Variants in PIK3R6 observed in about 807,000 individuals in gnomAD.
The protein encoded by PIK3R6 is phosphoinositide 3-kinase regulatory subunit 6.
PIK3R6 carries 91 observed loss-of-function variants against 84.9 expected under a neutral mutation model. The observed-to-expected ratio is 1.07, with a 90% CI of 0.90 to 1.28. The LOEUF is 1.28. Among genes scored for constraint, PIK3R6 ranks in the 50% most tolerant of loss-of-function variants. The pLI is 0.00. For missense variants in PIK3R6, 996 were observed against 985.1 expected (o/e 1.01, Z -0.15); for synonymous variants, 416 against 411.4 (o/e 1.01, Z -0.13).
chr17:8,808,939 T>C (rs1045424339), intron 18 of PIK3R6, among the ~76,000 whole-genome samples: 5 of 152,226 alleles, frequency 3.3e-5, no homozygotes, highest in Non-Finnish European at 7.3e-5. Flanking sequence ...GCTCTAGTGA[T>C]GGAATTCCAT....
intron 2 of PIK3R6, among the ~76,000 whole-genome samples, chr17:8,841,872 T>A (rs143637394): frequency 2.9e-3 from 439 of 152,230 alleles, no homozygotes; most frequent in African/African-American, 9.6e-3. Context: ...CCAAATCTCA[T>A]ATTGAAATTT....
chr17:8,850,480 G>A (rs1056188801), intron 1 of PIK3R6, among the ~76,000 whole-genome samples: 2 of 152,134 alleles, frequency 1.3e-5, no homozygotes, highest in African/African-American at 4.8e-5. Context: ...GAAACACAGA[G>A]AGGGTAAATA....
intron 2 of PIK3R6, among the ~76,000 whole-genome samples, chr17:8,847,868 T>C (rs1177417986): frequency 6.6e-6 from 1 of 152,052 alleles, no homozygotes; most frequent in Non-Finnish European, 1.5e-5. Flanking sequence ...TTGGGGATGT[T>C]TCCTTTTATC....
chr17:8,828,534 C>A, intron 11 of PIK3R6, 33 bp downstream of exon 11: 1 of 1,600,674 alleles, frequency 6.2e-7, no homozygotes, highest in Non-Finnish European at 8.5e-7. Context: ...CCCTGACCAG[C>A]GCCCACCCCC....
Position 8,810,674 on chromosome 17 carries a change from A to G in PIK3R6, c.1996-6521T>C, listed in dbSNP as rs1047043144. ...ACAAAGGGGCTACAGGCCCCATGCAAGTCTGAAGTCCAGAAGGGGAGTCAA... is the reference window on the plus strand; with the variant it reads ...ACAAAGGGGCTACAGGCCCCATGCAGGTCTGAAGTCCAGAAGGGGAGTCAA... On this transcript the variant is annotated intron_variant, in intron 18 of 19. Transcript: ENST00000619866. Among the ~76,000 whole-genome samples, 2 of 148,372 alleles carry G rather than the reference A, an allele frequency of 1.3e-5. 1 individual carries two copies. Among genetic ancestry groups the G allele is most frequent in the East Asian group, 4.7e-4 (2 of 4,276 alleles).
intron 13 of PIK3R6, among the ~76,000 whole-genome samples, 188 bp from the exon 14 acceptor site, chr17:8,823,685 G>C (rs567152126): frequency 2.4e-3 from 366 of 152,230 alleles, no homozygotes; most frequent in African/African-American, 8.4e-3. Flanking sequence ...CCTGTCCAGA[G>C]CCCTGCCTCC....
Position 8,829,382 on chromosome 17 carries a change from ACT to A in PIK3R6, c.889+322_889+323del, listed in dbSNP as rs895049805. Among the ~76,000 whole-genome samples the A allele has an allele frequency of 1.9e-4, 28 of 150,758 alleles. 1 individual carries two copies. The highest frequency in any genetic ancestry group is 3.3e-4 in the Admixed American group (5 of 15,200). On this transcript the variant is annotated intron_variant, in intron 10 of 19. Transcript: ENST00000619866. Reference sequence around the variant, plus strand: ...CACACACACATGCATGGATACACACACTGACACACACGCATGCACACATACAC... The same window carrying A: ...CACACACACATGCATGGATACACACAGACACACACGCATGCACACATACAC...
At chr17:8,838,059 G>A (rs568270022) in intron 4 of PIK3R6, among the ~76,000 whole-genome samples, 188 bp from the exon 5 acceptor site, 2 of 152,148 alleles carry the variant, frequency 1.3e-5, no homozygotes, top group Non-Finnish European at 2.9e-5. Context: ...AAGCCCCTCA[G>A]TGAGGGTGTG....
chr17:8,815,758 CACAA>C (rs1389870782), intron 18 of PIK3R6, among the ~76,000 whole-genome samples: 2 of 152,088 alleles, frequency 1.3e-5, no homozygotes, highest in Non-Finnish European at 2.9e-5. Context: ...AAACAAAAGA[CACAA>C]ACAGACAAAC....
chr17:8,805,306 C>A (rs983642647), intron 18 of PIK3R6, among the ~76,000 whole-genome samples: 38 of 152,196 alleles, frequency 2.5e-4, no homozygotes, highest in African/African-American at 8.9e-4. Context: ...GTGCTTGGAA[C>A]AGAGCCCAAG....
chr17:8,822,505 C>A, intron 16 of PIK3R6, 82 bp downstream of exon 16: 1 of 1,484,672 alleles, frequency 6.7e-7, no homozygotes, highest in Non-Finnish European at 9.4e-7. Context: ...TTGGCTCTAT[C>A]TGCTTCCCTG....
chr17:8,851,906 T>C (rs2088979757), intron 1 of PIK3R6, among the ~76,000 whole-genome samples: 1 of 152,160 alleles, frequency 6.6e-6, no homozygotes, highest in South Asian at 2.1e-4. Context: ...AAACAAAATA[T>C]GATTTATACA....
chr17:8,861,833 T>C (rs553377435), intron 1 of PIK3R6, among the ~76,000 whole-genome samples: 1 of 152,306 alleles, frequency 6.6e-6, no homozygotes, highest in East Asian at 1.9e-4. Flanking sequence ...GTCAAGTGCT[T>C]CCTTGAAGTG....
At chr17:8,819,671 C>CATATATATATATATATATATAT (rs148918327) in intron 17 of PIK3R6, among the ~76,000 whole-genome samples, 2 of 133,664 alleles carry the variant, frequency 1.5e-5, no homozygotes, top group African/African-American at 5.8e-5. Flanking sequence ...TTTTTTTGTG[C>CATATATATATATATATATATAT]ATATATATAT....
At chr17:8,822,171 T>C (rs1425400913) in intron 16 of PIK3R6, among the ~76,000 whole-genome samples, 1 of 151,384 alleles carries the variant, frequency 6.6e-6, no homozygotes, top group Non-Finnish European at 1.5e-5. Flanking sequence ...ATTACAGGCA[T>C]GAGCCACGGT....
chr17:8,825,498 TA>T (rs921124727), intron 13 of PIK3R6, among the ~76,000 whole-genome samples: 2 of 152,216 alleles, frequency 1.3e-5, no homozygotes, highest in Admixed American at 1.3e-4. Context: ...CAAGCACATG[TA>T]AGGATCACGT....
At chr17:8,831,628 C>T (rs540152767) in intron 9 of PIK3R6, among the ~76,000 whole-genome samples, 1 of 152,178 alleles carries the variant, frequency 6.6e-6, no homozygotes, top group African/African-American at 2.4e-5. Context: ...GCCCACCTCA[C>T]CCAACTGCTG....
At chr17:8,865,271 C>T (rs371544249) in intron 1 of PIK3R6, among the ~76,000 whole-genome samples, 3 of 152,204 alleles carry the variant, frequency 2.0e-5, no homozygotes, top group East Asian at 3.8e-4. Context: ...CCCAGCTCAC[C>T]ATTGCTGGCT....
chr17:8,813,753 T>C (rs954088500), intron 18 of PIK3R6, among the ~76,000 whole-genome samples: 1 of 151,906 alleles, frequency 6.6e-6, no homozygotes, highest in East Asian at 1.9e-4. Context: ...AGAAGGAACA[T>C]ATCTCAAAAT....
Sources: allele counts gnomAD v4.1 joint callset (sites outside exome capture counted in the v4.1 genomes callset), GRCh38; gene constraint gnomAD v4.1.1; transcripts MANE v1.5; gene names NCBI Gene and HGNC (gene_info 2026-07-23, HGNC 2026-07-21).